The following CERS6 variants were observed in gnomAD, a reference collection of about 807,000 sequenced individuals.
CERS6 encodes the protein ceramide synthase 6.
Under a neutral mutation model 56.8 loss-of-function variants are expected in CERS6, and 26 were observed. The observed-to-expected ratio is 0.46, with a 90% confidence interval of 0.34 to 0.63. CERS6 has a LOEUF of 0.63. CERS6 is among the 30% of genes least tolerant of loss of function. The pLI is 0.01. For missense variants in CERS6, 415 were observed against 467.5 expected (o/e 0.89, Z 1.04); for synonymous variants, 164 against 173.3 (o/e 0.95, Z 0.42).
At chr2:168,765,517 T>C in intron 8 of CERS6, 75 bp from the exon 9 acceptor site, 1 of 1,491,964 alleles carries the variant, frequency 6.7e-7, no homozygotes, top group Non-Finnish European at 9.1e-7. Flanking sequence ...CCTTGTGCTT[T>C]AATGCAGTGA....
intron 6 of CERS6, among the ~76,000 whole-genome samples, chr2:168,701,962 T>G (rs1686815707): frequency 6.6e-6 from 1 of 152,186 alleles, no homozygotes; most frequent in African/African-American, 2.4e-5. Flanking sequence ...GCCATGTAAA[T>G]GCAATGTTAA....
At chr2:168,604,397 G>C (rs1234717039) in intron 3 of CERS6, among the ~76,000 whole-genome samples, 3 of 151,188 alleles carry the variant, frequency 2.0e-5, no homozygotes, top group African/African-American at 7.4e-5. Flanking sequence ...ATACGTGTGT[G>C]TGTGTGTGTG....
Position 168,773,521 on chromosome 2 carries a change from C to T in CERS6, c.*3859C>T, listed in dbSNP as rs1327363827. On this transcript the variant is annotated 3_prime_UTR_variant, in exon 10 of 10. Transcript: ENST00000305747. ...AAGAAAAAAATCAAATCGAAGTCAG[C>T]CTGCTGGAAAAGTGATCACATGGCA... The T allele has an allele frequency of 1.3e-5, 2 of 152,130 alleles. No homozygotes were observed. The highest frequency in any genetic ancestry group is 2.4e-5 in the African/African-American group (1 of 41,418). The allele number at this position is 152,130 out of a possible 1,614,324, so 9.4% of individuals were successfully genotyped here.
intron 1 of CERS6, among the ~76,000 whole-genome samples, chr2:168,484,885 G>A (rs1301227663): frequency 6.6e-6 from 1 of 152,144 alleles, no homozygotes; most frequent in Non-Finnish European, 1.5e-5. Flanking sequence ...GTAAATCCCT[G>A]GGGACTGAAA....
intron 4 of CERS6, among the ~76,000 whole-genome samples, chr2:168,660,041 A>G (rs757017476): frequency 2.0e-5 from 3 of 152,212 alleles, no homozygotes; most frequent in Non-Finnish European, 4.4e-5. Flanking sequence ...TGTTGCCACT[A>G]TAACAGCAAG....
intron 3 of CERS6, among the ~76,000 whole-genome samples, chr2:168,614,978 C>T (rs1027109233): frequency 2.6e-5 from 4 of 152,114 alleles, no homozygotes; most frequent in African/African-American, 4.8e-5. Context: ...TTTCACCCCC[C>T]CTGCCACCTC....
At chr2:168,555,842 T>C (rs1313841175) in intron 2 of CERS6, among the ~76,000 whole-genome samples, 1 of 151,950 alleles carries the variant, frequency 6.6e-6, no homozygotes, top group Non-Finnish European at 1.5e-5. Flanking sequence ...ATTTTGTTTT[T>C]CATTAACCCA....
chr2:168,465,663 A>G (rs904790983), intron 1 of CERS6, among the ~76,000 whole-genome samples: 2 of 152,196 alleles, frequency 1.3e-5, no homozygotes, highest in African/African-American at 4.8e-5. Flanking sequence ...TCCTACTTAT[A>G]TAAGGTACCT....
chr2:168,769,597 A>G lies in CERS6; in HGVS notation c.1090A>G (p.Thr364Ala), dbSNP rs1449042273. Residue 364 changes from threonine (T) to alanine (A), a missense_variant, in exon 10 of 10, where the codon ACC (threonine) becomes GCC (alanine). Physicochemically the swap from Thr to Ala is moderately conservative, Grantham distance 58. Coordinates refer to ENST00000305747, the MANE Select transcript of CERS6 (RefSeq NM_203463.3). ...GGGAAAGAATCCCCACACTGCGACA[A>G]CCACCAATGGGACCAGTGGTACCAA... ...PPGKNPHTAT[T>A]TNGTSGTNGY... is the part of the protein sequence containing the mutation. The G allele has an allele frequency of 2.3e-5, 37 of 1,612,486 alleles. No individual in the cohort carries two copies. The highest frequency in any genetic ancestry group is 2.7e-5 in the Non-Finnish European group (32 of 1,179,608).
In CERS6 at chr2:168,699,026, G is replaced by A. The variant is rs1039425507; in HGVS notation, c.609+3975G>A. 2.0e-5 allele frequency among the ~76,000 whole-genome samples: 3 copies of A among 152,128 alleles called. No homozygotes were observed. In the East Asian group the frequency reaches 5.8e-4, roughly 29 times the overall value. ...CCGCTACCAGGCATGCTTACTCCTT[G>A]GCACAGGTTTTCATTAGGAAGGCCT... On this transcript the variant is annotated intron_variant, in intron 6 of 9. Transcript: ENST00000305747.
At chr2:168,761,052 C>G (rs894473365) in intron 8 of CERS6, among the ~76,000 whole-genome samples, 1 of 152,148 alleles carries the variant, frequency 6.6e-6, no homozygotes, top group Non-Finnish European at 1.5e-5. Flanking sequence ...CCACCGCGCC[C>G]GGCCGGGTTT....
intron 3 of CERS6, among the ~76,000 whole-genome samples, chr2:168,562,476 G>T (rs966637302): frequency 2.0e-5 from 3 of 152,110 alleles, no homozygotes; most frequent in African/African-American, 7.2e-5. Context: ...AGGAGAGCAG[G>T]GTGATAATAA....
intron 1 of CERS6, among the ~76,000 whole-genome samples, chr2:168,499,904 A>G (rs1403557062): frequency 6.6e-6 from 1 of 152,178 alleles, no homozygotes; most frequent in African/African-American, 2.4e-5. Flanking sequence ...TGTGGAAAGC[A>G]GGAAACCTCT....
chr2:168,519,424 G>T (rs1368905429), intron 1 of CERS6, among the ~76,000 whole-genome samples: 7 of 152,066 alleles, frequency 4.6e-5, no homozygotes, highest in Admixed American at 4.6e-4. Context: ...TTTGTTGCAT[G>T]GGTCTATTGT....
intron 3 of CERS6, among the ~76,000 whole-genome samples, chr2:168,627,723 T>C (rs905597961): frequency 6.6e-6 from 1 of 151,912 alleles, no homozygotes; most frequent in African/African-American, 2.4e-5. Context: ...TTTAGTTGTC[T>C]TTTTTTTCAG....
At chr2:168,557,557 A>T (rs1695707316) in intron 2 of CERS6, among the ~76,000 whole-genome samples, 1 of 152,226 alleles carries the variant, frequency 6.6e-6, no homozygotes, top group Non-Finnish European at 1.5e-5. Flanking sequence ...GATGGAAAAG[A>T]TGAATGGTAT....
At chr2:168,519,675 G>A (rs1458007961) in intron 1 of CERS6, among the ~76,000 whole-genome samples, 1 of 152,146 alleles carries the variant, frequency 6.6e-6, no homozygotes, top group African/African-American at 2.4e-5. Flanking sequence ...TTAGGATAAT[G>A]CCCTCCAGCT....
intron 1 of CERS6, among the ~76,000 whole-genome samples, chr2:168,473,478 G>A (rs1035293896): frequency 2.0e-5 from 3 of 151,734 alleles, no homozygotes; most frequent in African/African-American, 4.8e-5. Flanking sequence ...AATTCTTTTC[G>A]GTTTTCCTAG....
rs181899609 is a variant in CERS6 at position 168,621,048 on chromosome 2, C to G, written c.408-9937C>G. 2.6e-3 allele frequency among the ~76,000 whole-genome samples: 403 copies of G among 152,238 alleles called. 3 individuals carry two copies. Among genetic ancestry groups the G allele is most frequent in the African/African-American group, 8.5e-3 (354 of 41,542 alleles). ...CACTTCTTAAAATCAAATGTACATG[C>G]TTTTTGAAAACTTAAGAACTTTGGC... is the stretch of plus-strand genomic sequence containing the variant. On this transcript the variant is annotated intron_variant, in intron 3 of 9. Coordinates refer to ENST00000305747, the MANE Select transcript of CERS6 (RefSeq NM_203463.3).
Sources: gnomAD v4.1 joint callset for allele counts (sites outside exome capture counted in the v4.1 genomes callset) on GRCh38, gnomAD v4.1.1 for gene constraint, MANE v1.5 for transcripts, NCBI Gene and HGNC (gene_info 2026-07-23, HGNC 2026-07-21) for gene names.